CDH13: variants seen among roughly 807,000 people sequenced by gnomAD.
CDH13 encodes the protein cadherin-13.
A neutral mutation model predicts 63.8 loss-of-function variants in CDH13; 24 were observed. The ratio of observed to expected loss-of-function variants is 0.38; its 90% confidence interval spans 0.27 to 0.53. The LOEUF (loss-of-function observed/expected upper bound fraction) is 0.53, where lower values mean the gene tolerates loss of function less well. Ranked by LOEUF, CDH13 falls within the 20% of genes least tolerant of loss-of-function variation. The pLI, the probability that CDH13 is intolerant of heterozygous loss-of-function variation, is 0.85. For synonymous variants in CDH13, 503 were observed against 355.3 expected, an observed-to-expected ratio of 1.42 and a Z score of -4.67; for missense variants, 1,049 against 903.1, an observed-to-expected ratio of 1.16 and a Z score of -2.07.
intron 8 of CDH13, among the ~76,000 whole-genome samples, chr16:83,617,664 G>A (rs1430736090): frequency 1.3e-5 from 2 of 150,474 alleles, no homozygotes; most frequent in African/African-American, 4.9e-5. Flanking sequence ...ATCCTAATTT[G>A]CACATAATAT....
At chr16:82,765,652 C>T (rs1325830957) in intron 1 of CDH13, among the ~76,000 whole-genome samples, 1 of 152,144 alleles carries the variant, frequency 6.6e-6, no homozygotes, top group Non-Finnish European at 1.5e-5. Context: ...ATACTATAAG[C>T]TTCTCAATGA....
At chr16:83,271,515 CAAA>C (rs2088815181) in intron 5 of CDH13, among the ~76,000 whole-genome samples, 2 of 86,004 alleles carry the variant, frequency 2.3e-5, no homozygotes, top group Non-Finnish European at 4.7e-5. Context: ...AAAAACAAAA[CAAA>C]ACAACAACAA....
chr16:83,627,193 G>A (rs1910388908), intron 8 of CDH13, among the ~76,000 whole-genome samples: 1 of 152,012 alleles, frequency 6.6e-6, no homozygotes, highest in Non-Finnish European at 1.5e-5. Context: ...GAGGGGCTGA[G>A]GCAGGAGAAT....
chr16:82,763,705 C>CA (rs1317020116), intron 1 of CDH13, among the ~76,000 whole-genome samples: 1 of 152,088 alleles, frequency 6.6e-6, no homozygotes, highest in Non-Finnish European at 1.5e-5. Context: ...TTTTTTGAAA[C>CA]AGAGTCTCAC....
chr16:83,317,511 A>G (rs2090132631), intron 5 of CDH13, among the ~76,000 whole-genome samples: 1 of 152,176 alleles, frequency 6.6e-6, no homozygotes, highest in South Asian at 2.1e-4. Flanking sequence ...TTCAAGCTAC[A>G]TGGCAGTGAG....
At chr16:83,159,004 G>T (rs769761861) in intron 4 of CDH13, among the ~76,000 whole-genome samples, 10 of 152,002 alleles carry the variant, frequency 6.6e-5, no homozygotes, top group Non-Finnish European at 1.0e-4. Flanking sequence ...CTCTCATTTG[G>T]TTTCCAAATT....
At chr16:82,916,655 A>G (rs1393641034) in intron 2 of CDH13, among the ~76,000 whole-genome samples, 8 of 151,968 alleles carry the variant, frequency 5.3e-5, no homozygotes, top group Admixed American at 3.9e-4. Context: ...CATAAAGCCC[A>G]GTAGCATATT....
In CDH13 at chr16:83,028,045, C is replaced by G. The variant is rs566062742; in HGVS notation, c.158-3965C>G. Among the ~76,000 whole-genome samples the G allele has an allele frequency of 1.0e-3, 154 of 152,192 alleles. 1 individual carries two copies. The highest frequency in any genetic ancestry group is 1.8e-3 in the Non-Finnish European group (124 of 68,018). ...GAAACTTAGCTGGGAATCCAGAACC[C>G]CCACAAACTTTCATATGCCTTTTCC... On this transcript the variant is annotated intron_variant, in intron 2 of 13. Coordinates refer to ENST00000567109, the MANE Select transcript of CDH13 (RefSeq NM_001257.5).
At chr16:83,454,177 G>A (rs892866177) in intron 6 of CDH13, among the ~76,000 whole-genome samples, 5 of 152,206 alleles carry the variant, frequency 3.3e-5, no homozygotes, top group South Asian at 2.1e-4. Flanking sequence ...AAGGGGTGAT[G>A]ACTCACCTCA....
intron 1 of CDH13, among the ~76,000 whole-genome samples, chr16:82,632,096 T>A (rs1908075911): frequency 6.6e-6 from 1 of 152,108 alleles, no homozygotes; most frequent in Non-Finnish European, 1.5e-5. Flanking sequence ...GATCCACACT[T>A]CAACATGGCC....
intron 5 of CDH13, among the ~76,000 whole-genome samples, chr16:83,305,588 G>C (rs946611775): frequency 2.0e-5 from 3 of 152,194 alleles, no homozygotes; most frequent in African/African-American, 4.8e-5. Context: ...TGGCATCCCA[G>C]TTCTTCCACG....
chr16:83,259,942 G>C (rs940275590), intron 5 of CDH13, among the ~76,000 whole-genome samples: 5 of 152,038 alleles, frequency 3.3e-5, no homozygotes, highest in Admixed American at 1.3e-4. Flanking sequence ...CATCATTCTT[G>C]AGTGATTCTA....
chr16:83,248,905 G>A (rs537571931), intron 5 of CDH13, among the ~76,000 whole-genome samples: 16 of 152,248 alleles, frequency 1.1e-4, no homozygotes, highest in Non-Finnish European at 2.1e-4. Context: ...CTTCCCCTTG[G>A]TGCATATCCA....
rs149184813 is a variant in CDH13 at position 83,615,851 on chromosome 16, G to T, written c.1101+13257G>T. Among the ~76,000 whole-genome samples, 10 of 152,232 alleles carry T rather than the reference G, an allele frequency of 6.6e-5. No homozygotes were observed. The East Asian group carries it at 9.6e-4, about 15-fold the overall frequency. ...CAACTTCCCATCACATAATCGAAGA[G>T]AGGTTTGCTGCAAAACCGCCAACAC... On this transcript the variant is annotated intron_variant, in intron 8 of 13. Transcript: ENST00000567109.
At chr16:83,562,441 G>A (rs2075725648) in intron 7 of CDH13, among the ~76,000 whole-genome samples, 1 of 152,192 alleles carries the variant, frequency 6.6e-6, no homozygotes, top group South Asian at 2.1e-4. Flanking sequence ...TCGGATTCAG[G>A]AACAACACTG....
At chr16:82,817,332 GCTCA>G (rs1245393125) in intron 1 of CDH13, among the ~76,000 whole-genome samples, 22 of 152,166 alleles carry the variant, frequency 1.4e-4, no homozygotes, top group Non-Finnish European at 2.2e-4. Flanking sequence ...AGCTCAGCGT[GCTCA>G]CTGTCTTTAG....
At chr16:83,564,689 A>C (rs140383333) in intron 7 of CDH13, among the ~76,000 whole-genome samples, 10 of 152,242 alleles carry the variant, frequency 6.6e-5, no homozygotes, top group Non-Finnish European at 1.3e-4. Flanking sequence ...GATTATAGGC[A>C]TGAGCCATTG....
intron 11 of CDH13, among the ~76,000 whole-genome samples, chr16:83,767,242 C>T (rs529653972): frequency 6.6e-6 from 1 of 152,016 alleles, no homozygotes; most frequent in African/African-American, 2.4e-5. Flanking sequence ...TGGCTGTGTC[C>T]CCACCCAAAT....
intron 6 of CDH13, among the ~76,000 whole-genome samples, chr16:83,460,176 C>T (rs905102754): frequency 2.0e-5 from 3 of 152,090 alleles, no homozygotes; most frequent in African/African-American, 7.3e-5. Context: ...GCTAAAATTC[C>T]AGTAACAATT....
Sources: gnomAD v4.1 joint callset for allele counts (sites outside exome capture counted in the v4.1 genomes callset) on GRCh38, gnomAD v4.1.1 for gene constraint, MANE v1.5 for transcripts, NCBI Gene and HGNC (gene_info 2026-07-23, HGNC 2026-07-21) for gene names.